Variants in TNS3 observed in about 807,000 individuals in gnomAD.
TNS3 encodes tensin-3.
In TNS3, 45 loss-of-function variants were observed where a neutral mutation model predicts 140.9. That is an observed-to-expected ratio of 0.32 (90% CI 0.25 to 0.41). TNS3 has a LOEUF of 0.41. TNS3 is among the 10% of genes least tolerant of loss of function. The probability of loss-of-function intolerance (pLI) is 1.00; values close to 1 mark genes in which losing one functional copy is unlikely to be tolerated. For missense variants in TNS3, 1,716 were observed against 1,906.7 expected (o/e 0.90, Z 1.86); for synonymous variants, 815 against 788.4 (o/e 1.03, Z -0.56).
chr7:47,561,582 G>T (rs903187819), intron 1 of TNS3, among the ~76,000 whole-genome samples: 1 of 152,162 alleles, frequency 6.6e-6, no homozygotes, highest in Non-Finnish European at 1.5e-5. Flanking sequence ...TCAGAAGTGT[G>T]AGGCTGTGTC....
chr7:47,503,073 C>T (rs1191375676), intron 3 of TNS3, among the ~76,000 whole-genome samples: 1 of 152,174 alleles, frequency 6.6e-6, no homozygotes, highest in African/African-American at 2.4e-5. Flanking sequence ...CCCAACATTA[C>T]TCCTGCGCAT....
chr7:47,311,595 T>C (rs1346391589), intron 20 of TNS3, among the ~76,000 whole-genome samples: 1 of 151,548 alleles, frequency 6.6e-6, no homozygotes, highest in African/African-American at 2.4e-5. Flanking sequence ...GGGAGAAAAA[T>C]AGGAAGAAAA....
At chr7:47,294,358 T>C (rs540299521) in intron 24 of TNS3, among the ~76,000 whole-genome samples, 2 of 152,170 alleles carry the variant, frequency 1.3e-5, no homozygotes, top group African/African-American at 4.8e-5. Flanking sequence ...CTCTACCACA[T>C]TGCTATTAAC....
At chr7:47,458,801 A>G (rs992000641) in intron 4 of TNS3, among the ~76,000 whole-genome samples, 2 of 152,264 alleles carry the variant, frequency 1.3e-5, no homozygotes, top group African/African-American at 4.8e-5. Flanking sequence ...TTGAGAGGCT[A>G]GCTCTGAGAA....
intron 16 of TNS3, among the ~76,000 whole-genome samples, chr7:47,387,180 A>C (rs552283452): frequency 8.5e-5 from 13 of 152,384 alleles, no homozygotes; most frequent in African/African-American, 3.1e-4. Flanking sequence ...TTTCAATAGC[A>C]GAACTTGATC....
At chr7:47,574,723 G>C (rs924267987) in intron 1 of TNS3, among the ~76,000 whole-genome samples, 1 of 152,096 alleles carries the variant, frequency 6.6e-6, no homozygotes, top group Non-Finnish European at 1.5e-5. Context: ...ATGAAACCTT[G>C]AGTACAGTAT....
intron 1 of TNS3, among the ~76,000 whole-genome samples, chr7:47,571,910 C>G (rs1056319353): frequency 2.0e-5 from 3 of 152,200 alleles, no homozygotes; most frequent in African/African-American, 7.2e-5. Context: ...AAGAACTAAC[C>G]CAGTCTGTGA....
At chr7:47,331,196 C>T (rs1022272028) in intron 20 of TNS3, among the ~76,000 whole-genome samples, 5 of 152,190 alleles carry the variant, frequency 3.3e-5, no homozygotes, top group African/African-American at 1.2e-4. Context: ...GGGTGACCCA[C>T]AGGTTCTGTT....
At chr7:47,371,614 C>T (rs936451271) in intron 16 of TNS3, among the ~76,000 whole-genome samples, 1 of 152,218 alleles carries the variant, frequency 6.6e-6, no homozygotes, top group African/African-American at 2.4e-5. Flanking sequence ...AGGCTTCAGA[C>T]TAGGCAGAGA....
chr7:47,428,210 G>A (rs1176203063), intron 9 of TNS3, 102 bp downstream of exon 9: 13 of 812,496 alleles, frequency 1.6e-5, no homozygotes, highest in Non-Finnish European at 1.6e-5. Context: ...CAGGTCAGCC[G>A]AGCCCTTGGT....
intron 16 of TNS3, among the ~76,000 whole-genome samples, chr7:47,383,157 G>A (rs528330039): frequency 1.6e-4 from 25 of 152,326 alleles, no homozygotes; most frequent in Middle Eastern, 3.4e-3. Flanking sequence ...AAAGTGTTAC[G>A]AGCCCAAATG....
At chr7:47,483,622 C>G (rs1044917706) in intron 3 of TNS3, among the ~76,000 whole-genome samples, 3 of 152,210 alleles carry the variant, frequency 2.0e-5, no homozygotes, top group Non-Finnish European at 4.4e-5. Flanking sequence ...AAGACGGCAG[C>G]CACTTAAGGA....
intron 1 of TNS3, among the ~76,000 whole-genome samples, chr7:47,533,123 A>ATATATATATATAT (rs1186427934): frequency 1.1e-5 from 1 of 88,818 alleles, no homozygotes; most frequent in African/African-American, 6.2e-5. Context: ...ATATATATAT[A>ATATATATATATAT]TTTTTTTTTT....
At chr7:47,422,114 G>A (rs751014422) in intron 10 of TNS3, among the ~76,000 whole-genome samples, 1 of 152,062 alleles carries the variant, frequency 6.6e-6, no homozygotes, top group Non-Finnish European at 1.5e-5. Flanking sequence ...TTACATGCTC[G>A]ATTACCATTT....
intron 16 of TNS3, among the ~76,000 whole-genome samples, chr7:47,376,129 C>T (rs776854440): frequency 4.6e-5 from 7 of 152,154 alleles, no homozygotes; most frequent in Non-Finnish European, 7.3e-5. Context: ...TAGTCATAAA[C>T]GGGGACTTAA....
In TNS3 at chr7:47,563,548, G is replaced by A. The variant is rs974676409; in HGVS notation, c.-265+18503C>T. 2.6e-5 allele frequency among the ~76,000 whole-genome samples: 4 copies of A among 152,196 alleles called. No individual in the cohort carries two copies. In the South Asian group the frequency reaches 8.3e-4, roughly 31 times the overall value. On this transcript the variant is annotated intron_variant, in intron 1 of 30. Coordinates refer to ENST00000311160, the MANE Select transcript of TNS3 (RefSeq NM_022748.12). ...GAGGACACCAATCCTATCCTGGGGA[G>A]ATCCAATCTCACCCCCAGGGTGTCA...
intron 23 of TNS3, among the ~76,000 whole-genome samples, chr7:47,298,786 A>T (rs1477968772): frequency 6.6e-6 from 1 of 152,238 alleles, no homozygotes; most frequent in Admixed American, 6.5e-5. Flanking sequence ...CATAGGATGA[A>T]ACGAATGGTT....
Position 47,549,809 on chromosome 7 carries a change from T to C in TNS3, c.-264-20662A>G, listed in dbSNP as rs140931551. Among the ~76,000 whole-genome samples, 8 of 152,276 alleles carry C rather than the reference T, an allele frequency of 5.3e-5. No homozygotes were observed. In the East Asian group the frequency reaches 1.5e-3, roughly 29 times the overall value. On this transcript the variant is annotated intron_variant, in intron 1 of 30. Coordinates refer to ENST00000311160, the MANE Select transcript of TNS3 (RefSeq NM_022748.12). The stretch of plus-strand genomic sequence containing the variant: ...CCTGCCTAGAACACAGCTAAGGATT[T>C]GCTGAATGAATGAATGATACTCCTG...
At chr7:47,439,338 CAG>C in intron 6 of TNS3, 147 bp downstream of exon 6, 1 of 833,482 alleles carries the variant, frequency 1.2e-6, no homozygotes, top group African/African-American at 1.7e-5. Context: ...AGCAGAGAGA[CAG>C]AGGACGAAGG....
Sources: gnomAD v4.1 joint callset for allele counts (sites outside exome capture counted in the v4.1 genomes callset) on GRCh38, gnomAD v4.1.1 for gene constraint, MANE v1.5 for transcripts, NCBI Gene and HGNC (gene_info 2026-07-23, HGNC 2026-07-21) for gene names.